FAM135B: variants seen among roughly 807,000 people sequenced by gnomAD.
The protein encoded by FAM135B is family with sequence similarity 135 member B, also known as protein FAM135B.
Under a neutral mutation model 127.7 loss-of-function variants are expected in FAM135B, and 43 were observed. That is an observed-to-expected ratio of 0.34 (90% CI 0.26 to 0.43). The LOEUF (loss-of-function observed/expected upper bound fraction) is 0.43. Among genes scored for constraint, FAM135B ranks in the 20% least tolerant of loss-of-function variants. The pLI is 1.00. For synonymous variants in FAM135B, 670 were observed against 665.1 expected (o/e 1.01, Z -0.11); for missense variants, 1,558 against 1,725.6 (o/e 0.90, Z 1.72).
intron 7 of FAM135B, among the ~76,000 whole-genome samples, chr8:138,220,061 TCA>T (rs3221962): frequency 9.6e-4 from 141 of 146,412 alleles, no homozygotes; most frequent in Middle Eastern, 3.5e-3. Context: ...TTGCCTAAAA[TCA>T]CACACACACA....
intron 1 of FAM135B, among the ~76,000 whole-genome samples, chr8:138,479,217 C>T (rs535993822): frequency 2.3e-3 from 357 of 152,318 alleles, no homozygotes; most frequent in African/African-American, 8.2e-3. Context: ...CCAGTGAGCC[C>T]TCTGAACCCT....
In FAM135B at chr8:138,168,016, G is replaced by T. The variant is rs1163863684; in HGVS notation, c.1137C>A (p.Ile379=). The change falls in exon 12 of 20, where the codon ATC becomes ATA. Residue 379 remains isoleucine, a synonymous_variant. Transcript: ENST00000395297. The part of the protein sequence containing the change: ...IQTHSQLSLD[I]RNSEYLTSMP... ...TGCTAGTGAGGTACTCCGAGTTCCG[G>T]ATATCCAGGGACAGCTGGCTGTGCG... The T allele has an allele frequency of 1.9e-6, 3 of 1,613,680 alleles. No homozygotes were observed. The highest frequency in any genetic ancestry group is 1.6e-4 in the Middle Eastern group (1 of 6,084).
intron 2 of FAM135B, among the ~76,000 whole-genome samples, chr8:138,335,634 T>C (rs910158387): frequency 3.9e-5 from 6 of 152,180 alleles, no homozygotes; most frequent in African/African-American, 1.4e-4. Flanking sequence ...CAAAGAGACT[T>C]AGGCTCCCAA....
chr8:138,234,151 A>C (rs1352659524), intron 7 of FAM135B, among the ~76,000 whole-genome samples: 1 of 152,188 alleles, frequency 6.6e-6, no homozygotes, highest in Non-Finnish European at 1.5e-5. Flanking sequence ...TAAAAGACTC[A>C]AATGAATTAA....
At chr8:138,495,871 G>A (rs1011223077) in intron 1 of FAM135B, among the ~76,000 whole-genome samples, 3 of 152,150 alleles carry the variant, frequency 2.0e-5, no homozygotes, top group Admixed American at 6.5e-5. Context: ...CAACTGAAGC[G>A]GTGTCTCCAG....
chr8:138,354,982 G>A (rs1176445245), intron 2 of FAM135B, among the ~76,000 whole-genome samples: 1 of 151,990 alleles, frequency 6.6e-6, no homozygotes, highest in African/African-American at 2.4e-5. Context: ...TTTACATTAG[G>A]TATATCTCCT....
intron 5 of FAM135B, 63 bp downstream of exon 5, chr8:138,256,626 G>T: frequency 1.5e-6 from 2 of 1,354,056 alleles, no homozygotes; most frequent in Non-Finnish European, 2.1e-6. Context: ...GCTATCCCAA[G>T]AGTGGGGAAG....
At chr8:138,271,072 C>T (rs949326513) in intron 3 of FAM135B, among the ~76,000 whole-genome samples, 1 of 152,190 alleles carries the variant, frequency 6.6e-6, no homozygotes, top group African/African-American at 2.4e-5. Flanking sequence ...AAAATGACCA[C>T]ACTTCATTGT....
chr8:138,404,967 A>G (rs909976368), intron 1 of FAM135B, among the ~76,000 whole-genome samples: 1 of 152,174 alleles, frequency 6.6e-6, no homozygotes, highest in African/African-American at 2.4e-5. Context: ...AGCTAAAATT[A>G]TGAATCCTTT....
At chr8:138,467,943 G>A (rs934218350) in intron 1 of FAM135B, among the ~76,000 whole-genome samples, 1 of 152,142 alleles carries the variant, frequency 6.6e-6, no homozygotes, top group South Asian at 2.1e-4. Flanking sequence ...GAAGCCTGGC[G>A]AAGTATTTAG....
At chr8:138,344,794 CTCGA>C (rs1217158657) in intron 2 of FAM135B, among the ~76,000 whole-genome samples, 2 of 152,028 alleles carry the variant, frequency 1.3e-5, no homozygotes, top group East Asian at 3.9e-4. Flanking sequence ...CCAGGATGGT[CTCGA>C]TCTCCTGACC....
At chr8:138,352,696 C>A (rs1215333104) in intron 2 of FAM135B, among the ~76,000 whole-genome samples, 3 of 152,252 alleles carry the variant, frequency 2.0e-5, no homozygotes, top group East Asian at 1.9e-4. Context: ...TTCCTCAATG[C>A]CCCCCACTAG....
chr8:138,416,157 C>T (rs184686876), intron 1 of FAM135B, among the ~76,000 whole-genome samples: 25 of 152,212 alleles, frequency 1.6e-4, no homozygotes, highest in African/African-American at 5.8e-4. Context: ...TCCCCCAGGA[C>T]AAAATAAATC....
intron 7 of FAM135B, among the ~76,000 whole-genome samples, chr8:138,222,085 G>A (rs1039974928): frequency 1.8e-4 from 27 of 152,160 alleles, no homozygotes; most frequent in African/African-American, 6.3e-4. Context: ...AGGTGGAGAT[G>A]TGGAAGACAG....
intron 16 of FAM135B, among the ~76,000 whole-genome samples, chr8:138,142,417 C>A (rs574231886): frequency 6.7e-6 from 1 of 149,240 alleles, no homozygotes; most frequent in Non-Finnish European, 1.5e-5. Context: ...CATTCTCCTG[C>A]GTCAGCCTCC....
At chr8:138,194,541 G>A (rs968698203) in intron 9 of FAM135B, among the ~76,000 whole-genome samples, 4 of 152,176 alleles carry the variant, frequency 2.6e-5, no homozygotes, top group Non-Finnish European at 5.9e-5. Flanking sequence ...TTCCAAGGAT[G>A]ATTCTAATGT....
intron 12 of FAM135B, among the ~76,000 whole-genome samples, chr8:138,154,469 A>C (rs1818502629): frequency 2.0e-5 from 3 of 152,208 alleles, no homozygotes; most frequent in Non-Finnish European, 2.9e-5. Flanking sequence ...AGTACGCTTC[A>C]GATGATCGGT....
chr8:138,235,731 G>A (rs958377898), intron 7 of FAM135B, among the ~76,000 whole-genome samples: 1 of 152,134 alleles, frequency 6.6e-6, no homozygotes, highest in Admixed American at 6.5e-5. Context: ...GGCTCGGCAT[G>A]GTGGGAGCCT....
chr8:138,401,240 G>A (rs115594578), intron 1 of FAM135B, among the ~76,000 whole-genome samples: 2,808 of 152,262 alleles, frequency 0.018, 82 homozygotes, highest in African/African-American at 0.063. Context: ...AGTGCAGAAT[G>A]TCTCCCTAGC....
Sources: gnomAD v4.1 joint callset for allele counts (sites outside exome capture counted in the v4.1 genomes callset) on GRCh38, gnomAD v4.1.1 for gene constraint, MANE v1.5 for transcripts, NCBI Gene and HGNC (gene_info 2026-07-23, HGNC 2026-07-21) for gene names.